PIEZO2: variants seen among roughly 807,000 people sequenced by gnomAD.
The protein encoded by PIEZO2 is piezo type mechanosensitive ion channel component 2, also known as piezo-type mechanosensitive ion channel component 2.
In PIEZO2, 172 loss-of-function variants were observed where a neutral mutation model predicts 337.3. The ratio of observed to expected loss-of-function variants is 0.51; its 90% CI spans 0.45 to 0.58. The LOEUF is 0.58. Among genes scored for constraint, PIEZO2 ranks in the 20% least tolerant of loss-of-function variants. PIEZO2 has a pLI of 0.00. For synonymous variants in PIEZO2, 1,251 were observed against 1,228.5 expected (o/e 1.02, Z -0.38); for missense variants, 3,028 against 3,391.3 (o/e 0.89, Z 2.66).
rs1362537581 is a variant in PIEZO2 at position 10,969,654 on chromosome 18, C to A, written c.286+9881G>T. On this transcript the variant is annotated intron_variant, in intron 3 of 55. Transcript: ENST00000674853. The surrounding 1 kb of genome is among the most constrained non-coding windows in gnomAD (Gnocchi z 4.5). ...AAATAGTTTCTAAAGAGAAATAAAACACGTCATTCTAATATTTCTTCATGA... is the reference window on the plus strand; with the variant it reads ...AAATAGTTTCTAAAGAGAAATAAAAAACGTCATTCTAATATTTCTTCATGA... 1.3e-5 allele frequency among the ~76,000 whole-genome samples: 2 copies of A among 151,994 alleles called. No individual in the cohort carries two copies. Among genetic ancestry groups the A allele is most frequent in the Non-Finnish European group, 2.9e-5 (2 of 68,002 alleles).
chr18:10,773,945 G>A lies in PIEZO2; in HGVS notation c.2567+61C>T, dbSNP rs1308671464. ...GGAGAAAATGGTCAGAGTTTAGGGT[G>A]TAGAAGCATGAAATGGCATCATGTA... is the stretch of plus-strand genomic sequence containing the variant. On this transcript the variant is annotated intron_variant, in intron 19 of 55. Coordinates refer to ENST00000674853, the MANE Select transcript of PIEZO2 (RefSeq NM_001378183.1). This position sits in a 1 kb window ranked among gnomAD's most constrained non-coding sequence, Gnocchi z 5.3. 2.9e-6 allele frequency: 2 copies of A among 701,416 alleles called. No individual in the cohort carries two copies. The highest frequency in any genetic ancestry group is 5.2e-6 in the Non-Finnish European group (2 of 384,430). The allele number at this position is 701,416 out of a possible 1,614,324, so 43.4% of individuals were successfully genotyped here.
At chr18:10,717,182 CAAGTT>C (rs2036045278) in intron 37 of PIEZO2, among the ~76,000 whole-genome samples, 1 of 152,206 alleles carries the variant, frequency 6.6e-6, no homozygotes, top group Non-Finnish European at 1.5e-5. Flanking sequence ...GAGAGTTAAA[CAAGTT>C]AATATACTCC....
intron 2 of PIEZO2, among the ~76,000 whole-genome samples, chr18:11,026,427 C>T (rs2036544400): frequency 1.3e-5 from 2 of 152,140 alleles, no homozygotes; most frequent in Non-Finnish European, 2.9e-5. Flanking sequence ...TCTGTGACTT[C>T]CCCGTTCCCG....
At chr18:11,086,653 A>C (rs1319965427) in intron 1 of PIEZO2, among the ~76,000 whole-genome samples, 1 of 152,236 alleles carries the variant, frequency 6.6e-6, no homozygotes, top group East Asian at 1.9e-4. Context: ...ACTTATTCTG[A>C]AGGAATTGAT....
rs539930601 is a variant in PIEZO2 at position 10,897,655 on chromosome 18, G to A, written c.329+13531C>T. 1.1e-3 allele frequency among the ~76,000 whole-genome samples: 172 copies of A among 152,270 alleles called. 1 individual carries two copies. Among genetic ancestry groups the A allele is most frequent in the African/African-American group, 3.7e-3 (155 of 41,536 alleles). The stretch of plus-strand genomic sequence containing the variant: ...CCTCTCTTTCTTTATAAATTACCCA[G>A]TCTCGGGTATGTCTTTATCAGCAGC... On this transcript the variant is annotated intron_variant, in intron 4 of 55. Transcript: ENST00000674853.
Position 11,035,387 on chromosome 18 carries a change from G to C in PIEZO2, c.160+30740C>G, listed in dbSNP as rs1181546347. 6.6e-6 allele frequency among the ~76,000 whole-genome samples: 1 copy of C among 151,350 alleles called. No individual in the cohort carries two copies. Among genetic ancestry groups the C allele is most frequent in the African/African-American group, 2.4e-5 (1 of 41,114 alleles). On this transcript the variant is annotated intron_variant, in intron 2 of 55. Transcript: ENST00000674853. The surrounding 1 kb of genome is among the most constrained non-coding windows in gnomAD (Gnocchi z 4.3). ...CATGCAACAGGCTTGCCCCCTCCTT[G>C]CCTTCCACAATGAGTAAAAGCTTCC...
chr18:11,122,972 T>C (rs911775261), intron 1 of PIEZO2, among the ~76,000 whole-genome samples: 10 of 147,900 alleles, frequency 6.8e-5, no homozygotes, highest in African/African-American at 2.2e-4. Context: ...ATATGTTATA[T>C]ATCAATGCAT....
At chr18:11,014,430 C>T (rs796226156) in intron 2 of PIEZO2, among the ~76,000 whole-genome samples, 6 of 136,186 alleles carry the variant, frequency 4.4e-5, no homozygotes, top group African/African-American at 1.4e-4. Flanking sequence ...GACAGCGATC[C>T]GGAGCCCCTC....
chr18:10,986,263 A>G (rs2034867039), intron 2 of PIEZO2, among the ~76,000 whole-genome samples: 1 of 152,016 alleles, frequency 6.6e-6, no homozygotes, highest in African/African-American at 2.4e-5. Flanking sequence ...GATATCAATG[A>G]CAGAAAAGAA....
intron 34 of PIEZO2, 64 bp downstream of exon 34, chr18:10,736,540 A>G (rs932307576): frequency 1.7e-5 from 26 of 1,530,578 alleles, no homozygotes; most frequent in Admixed American, 1.4e-4. Context: ...TAGGCCTGCA[A>G]TGAAGGTCCG....
chr18:10,941,946 TG>T (rs1334783752), intron 3 of PIEZO2, among the ~76,000 whole-genome samples: 1 of 152,152 alleles, frequency 6.6e-6, no homozygotes, highest in Non-Finnish European at 1.5e-5. Context: ...GCTGTTCTCA[TG>T]ATAGTGAAGG....
At chr18:10,957,209 G>A (rs758444448) in intron 3 of PIEZO2, among the ~76,000 whole-genome samples, 5 of 151,490 alleles carry the variant, frequency 3.3e-5, no homozygotes, top group Admixed American at 6.6e-5. Flanking sequence ...CCAGCCTGGC[G>A]AGCATGGTAA....
chr18:11,125,749 CCTCT>C lies in PIEZO2; in HGVS notation c.64+22772_64+22775del, dbSNP rs1047479461. On this transcript the variant is annotated intron_variant, in intron 1 of 55. Transcript: ENST00000674853. This position sits in a 1 kb window ranked among gnomAD's most constrained non-coding sequence, Gnocchi z 4.4. ...GCCCCCACTGACAGCAACTCCGGAT[CCTCT>C]CTCTGAGCAGTGCCAATTTTTCCAA... Among the ~76,000 whole-genome samples, 2 of 152,206 alleles carry C rather than the reference CCTCT, an allele frequency of 1.3e-5. No homozygotes were observed. Among genetic ancestry groups the C allele is most frequent in the Non-Finnish European group, 2.9e-5 (2 of 68,036 alleles).
chr18:11,098,759 T>A lies in PIEZO2; in HGVS notation c.65-32537A>T, dbSNP rs199546172. Among the ~76,000 whole-genome samples, 2 of 151,916 alleles carry A rather than the reference T, an allele frequency of 1.3e-5. 1 individual carries two copies. The highest frequency in any genetic ancestry group is 3.8e-4 in the East Asian group (2 of 5,202). ...TACTATATCAGTACATACGTATGTA[T>A]TGCAGTCCCTTTTAAATTTATTTAT... On this transcript the variant is annotated intron_variant, in intron 1 of 55. Transcript: ENST00000674853.
chr18:11,139,534 ACT>A (rs1286342855), intron 1 of PIEZO2, among the ~76,000 whole-genome samples: 1 of 151,958 alleles, frequency 6.6e-6, no homozygotes, highest in Non-Finnish European at 1.5e-5. Flanking sequence ...CAATGTAAAT[ACT>A]CTCTCTCCCA....
At chr18:10,987,790 T>C (rs1304899270) in intron 2 of PIEZO2, among the ~76,000 whole-genome samples, 1 of 152,018 alleles carries the variant, frequency 6.6e-6, no homozygotes, top group Admixed American at 6.6e-5. Context: ...TTGTAAACCA[T>C]ATATCTGATA....
intron 1 of PIEZO2, among the ~76,000 whole-genome samples, chr18:11,147,412 G>A (rs1207445156): frequency 6.6e-6 from 1 of 152,132 alleles, no homozygotes. Context: ...AACTCTCCCG[G>A]CAACTGTCCT....
chr18:10,929,878 G>A lies in PIEZO2; in HGVS notation c.287-18650C>T, dbSNP rs559351054. 1.1e-4 allele frequency among the ~76,000 whole-genome samples: 16 copies of A among 152,224 alleles called. No individual in the cohort carries two copies. The highest frequency in any genetic ancestry group is 3.9e-4 in the East Asian group (2 of 5,172). ...GAATGGACTGCCCCTCAGCCCAGGA[G>A]GCCCAAAGAAGCCTAAAAAACCAGT... On this transcript the variant is annotated intron_variant, in intron 3 of 55. Coordinates refer to ENST00000674853, the MANE Select transcript of PIEZO2 (RefSeq NM_001378183.1). This position sits in a 1 kb window ranked among gnomAD's most constrained non-coding sequence, Gnocchi z 5.6.
intron 2 of PIEZO2, among the ~76,000 whole-genome samples, chr18:11,011,263 G>A (rs1228888925): frequency 6.6e-6 from 1 of 152,088 alleles, no homozygotes; most frequent in Admixed American, 6.5e-5. Context: ...TCCTACAATT[G>A]TATTTTTTAA....
Sources: allele counts gnomAD v4.1 joint callset (sites outside exome capture counted in the v4.1 genomes callset), GRCh38; gene constraint gnomAD v4.1.1; non-coding constraint Gnocchi (gnomAD v3.1); transcripts MANE v1.5; gene names NCBI Gene and HGNC (gene_info 2026-07-23, HGNC 2026-07-21).